The following CRYBG3 variants were observed in gnomAD, a reference collection of about 807,000 sequenced individuals.
The protein encoded by CRYBG3 is crystallin beta-gamma domain containing 3.
In CRYBG3, 127 loss-of-function variants were observed where a neutral mutation model predicts 244.2. The observed-to-expected ratio is 0.52, with a 90% CI of 0.45 to 0.60. The LOEUF is 0.60. CRYBG3 is among the 20% of genes least tolerant of loss of function. The probability of loss-of-function intolerance (pLI) is 0.00; values close to 1 mark genes in which losing one functional copy is unlikely to be tolerated. For synonymous variants in CRYBG3, 1,132 were observed against 1,195.8 expected, an observed-to-expected ratio of 0.95 and a Z score of 1.10; for missense variants, 3,325 against 3,442.5, an observed-to-expected ratio of 0.97 and a Z score of 0.85.
chr3:97,905,021 A>T (rs955122345), intron 15 of CRYBG3, among the ~76,000 whole-genome samples: 2 of 151,156 alleles, frequency 1.3e-5, no homozygotes, highest in Admixed American at 6.6e-5. Flanking sequence ...AGTATAGTTT[A>T]CTGAGAATGA....
intron 12 of CRYBG3, among the ~76,000 whole-genome samples, chr3:97,898,320 C>T (rs542142526): frequency 1.5e-4 from 23 of 150,328 alleles, no homozygotes; most frequent in African/African-American, 5.6e-4. Flanking sequence ...GTTATTTTCT[C>T]TTTCATGAGC....
chr3:97,942,270 C>A lies in CRYBG3; in HGVS notation c.8665-14C>A. The A allele has an allele frequency of 6.3e-7, 1 of 1,593,582 alleles. No individual in the cohort carries two copies. Among genetic ancestry groups the A allele is most frequent in the Non-Finnish European group, 8.6e-7 (1 of 1,167,744 alleles). On this transcript the variant is annotated splice_polypyrimidine_tract_variant and intron_variant, in intron 20 of 21. Transcript: ENST00000389622. ...ACATACTACTGCCAATTAATCATTT[C>A]TTAACCCTTTTAGGCCAGTGATACA...
At chr3:97,880,970 T>C in intron 6 of CRYBG3, 102 bp from the exon 7 acceptor site, 10 of 831,570 alleles carry the variant, frequency 1.2e-5, no homozygotes, top group Non-Finnish European at 1.8e-5. Context: ...GTGGAAGATA[T>C]CCCAGCTTAA....
intron 1 of CRYBG3, among the ~76,000 whole-genome samples, chr3:97,823,977 T>C (rs1054821621): frequency 4.6e-5 from 7 of 152,234 alleles, no homozygotes; most frequent in African/African-American, 9.6e-5. Flanking sequence ...CATCTCCAGA[T>C]TGGCACAAAT....
Position 97,941,051 on chromosome 3 carries a change from A to G in CRYBG3, c.8506-97A>G, listed in dbSNP as rs1294930353. On this transcript the variant is annotated intron_variant, in intron 19 of 21. Coordinates refer to ENST00000389622, the MANE Select transcript of CRYBG3 (RefSeq NM_153605.4). ...AGAGTGAAACTGATATAACTAAGAT[A>G]GTTACCTCTCACTTTCCCTCCCAGC... 10 of 914,958 alleles carry G rather than the reference A, an allele frequency of 1.1e-5. No individual in the cohort carries two copies. The Admixed American group carries it at 1.8e-4, about 17-fold the overall frequency. The allele number at this position is 914,958 out of a possible 1,614,324, so 56.7% of individuals were successfully genotyped here.
chr3:97,881,640 C>T (rs1467645785), intron 7 of CRYBG3, among the ~76,000 whole-genome samples: 3 of 151,926 alleles, frequency 2.0e-5, no homozygotes, highest in Non-Finnish European at 2.9e-5. Flanking sequence ...CACTTGAACT[C>T]GGGACACGGA....
chr3:97,858,815 T>C (rs2108196347), intron 2 of CRYBG3, among the ~76,000 whole-genome samples: 1 of 152,338 alleles, frequency 6.6e-6, no homozygotes, highest in Middle Eastern at 3.4e-3. Flanking sequence ...TTTCATAGAT[T>C]TTCTTTTCTT....
At chr3:97,940,649 T>G (rs535343120) in intron 19 of CRYBG3, among the ~76,000 whole-genome samples, 44 of 152,116 alleles carry the variant, frequency 2.9e-4, no homozygotes, top group South Asian at 6.2e-4. Context: ...AATAAAGGTC[T>G]TATATAAACA....
At chr3:97,841,204 ATATATGTATATATG>A (rs1318654890) in intron 1 of CRYBG3, among the ~76,000 whole-genome samples, 48 of 150,466 alleles carry the variant, frequency 3.2e-4, no homozygotes, top group African/African-American at 1.1e-3. Context: ...GTATATATGT[ATATATGTATATATG>A]TATATGTATA....
intron 14 of CRYBG3, 26 bp downstream of exon 14, chr3:97,899,289 T>C (rs2039677122): frequency 6.9e-6 from 11 of 1,594,306 alleles, no homozygotes; most frequent in Non-Finnish European, 9.4e-6. Context: ...ACATAGCCAG[T>C]GCTGCATCAT....
At chr3:97,878,295 T>C (rs1466919700) in intron 4 of CRYBG3, among the ~76,000 whole-genome samples, 1 of 152,022 alleles carries the variant, frequency 6.6e-6, no homozygotes, top group African/African-American at 2.4e-5. Context: ...CCTGTAATCC[T>C]AGCTACTGGG....
At position 97,944,195 on chromosome 3, in the gene CRYBG3, T is replaced by C. The variant is rs1282910568; in HGVS notation, c.*881T>C. The stretch of plus-strand genomic sequence containing the variant: ...TTGAACCTTGACCTTACCATCTCTT[T>C]AAGTAAACGTGGAGTTGATTTCTCT... On this transcript the variant is annotated 3_prime_UTR_variant, in exon 22 of 22. Coordinates refer to ENST00000389622, the MANE Select transcript of CRYBG3 (RefSeq NM_153605.4). 6.6e-6 allele frequency: 1 copy of C among 151,832 alleles called. No homozygotes were observed. The highest frequency in any genetic ancestry group is 2.4e-5 in the African/African-American group (1 of 41,388). 9.4% of individuals were successfully genotyped at this position (151,832 alleles called of 1,614,324 possible).
At chr3:97,881,570 G>T (rs1227078693) in intron 7 of CRYBG3, among the ~76,000 whole-genome samples, 1 of 150,736 alleles carries the variant, frequency 6.6e-6, no homozygotes, top group Non-Finnish European at 1.5e-5. Context: ...ACAAAAATTG[G>T]CCGGGCGTGG....
intron 2 of CRYBG3, among the ~76,000 whole-genome samples, chr3:97,859,479 C>G (rs1341933117): frequency 1.3e-5 from 2 of 152,226 alleles, no homozygotes; most frequent in African/African-American, 4.8e-5. Flanking sequence ...ATGTAGGTAC[C>G]ATGAAAGCCA....
intron 21 of CRYBG3, chr3:97,943,000 A>G (rs2107116764): frequency 2.1e-6 from 1 of 474,412 alleles, no homozygotes; most frequent in Non-Finnish European, 3.7e-6. Flanking sequence ...CCACTTATAC[A>G]ATCATGTATT....
intron 18 of CRYBG3, among the ~76,000 whole-genome samples, chr3:97,935,801 G>C (rs1389358674): frequency 1.3e-5 from 2 of 152,006 alleles, no homozygotes; most frequent in Non-Finnish European, 2.9e-5. Flanking sequence ...TACCTTGCCT[G>C]CTGCTGGTGC....
At chr3:97,904,640 C>T (rs1290009882) in intron 15 of CRYBG3, among the ~76,000 whole-genome samples, 1 of 150,986 alleles carries the variant, frequency 6.6e-6, no homozygotes, top group African/African-American at 2.4e-5. Context: ...CAACCTGTCT[C>T]TCTTCTCATG....
intron 4 of CRYBG3, 24 bp from the exon 5 acceptor site, chr3:97,879,680 A>T: frequency 6.4e-7 from 1 of 1,563,418 alleles, no homozygotes; most frequent in Non-Finnish European, 8.7e-7. Context: ...CTTAAAGCTT[A>T]CTTTTCCACT....
At chr3:97,836,899 A>T (rs2038741971) in intron 1 of CRYBG3, 1 of 152,146 alleles carries the variant, frequency 6.6e-6, no homozygotes. Context: ...AAAAGCCTCA[A>T]GGTTGGTCTA....
Sources: allele counts gnomAD v4.1 joint callset (sites outside exome capture counted in the v4.1 genomes callset), GRCh38; gene constraint gnomAD v4.1.1; transcripts MANE v1.5; gene names NCBI Gene and HGNC (gene_info 2026-07-23, HGNC 2026-07-21).